The following CNTNAP2 variants were observed in gnomAD, a reference collection of about 807,000 sequenced individuals.
The protein encoded by CNTNAP2 is contactin associated protein 2, also known as contactin-associated protein-like 2.
In CNTNAP2, 98 loss-of-function variants were observed where a neutral mutation model predicts 155.2. The ratio of observed to expected loss-of-function variants is 0.63; its 90% CI spans 0.54 to 0.75. The LOEUF is 0.75. Ranked by LOEUF, CNTNAP2 falls within the 30% of genes least tolerant of loss-of-function variation. The pLI is 0.00. For synonymous variants in CNTNAP2, 651 were observed against 631.2 expected (o/e 1.03, Z -0.47); for missense variants, 1,727 against 1,688.1 (o/e 1.02, Z -0.40).
intron 3 of CNTNAP2, among the ~76,000 whole-genome samples, chr7:146,990,104 G>T (rs1438786810): frequency 6.6e-6 from 1 of 152,114 alleles, no homozygotes; most frequent in African/African-American, 2.4e-5. Flanking sequence ...TTGAGGATTT[G>T]CAAGAGGACA....
intron 16 of CNTNAP2, 46 bp downstream of exon 16, chr7:148,118,334 C>A: frequency 1.2e-6 from 2 of 1,606,448 alleles, no homozygotes; most frequent in South Asian, 2.2e-5. Flanking sequence ...ACTTTCGTCA[C>A]CTCAGGGTGG....
chr7:147,453,021 A>AT (rs1243618887), intron 10 of CNTNAP2, among the ~76,000 whole-genome samples: 1 of 152,018 alleles, frequency 6.6e-6, no homozygotes, highest in Non-Finnish European at 1.5e-5. Context: ...GAAAAAAGAG[A>AT]AAGGGAAAAA....
At chr7:146,588,600 C>T (rs1052988509) in intron 1 of CNTNAP2, among the ~76,000 whole-genome samples, 2 of 151,964 alleles carry the variant, frequency 1.3e-5, no homozygotes, top group Non-Finnish European at 2.9e-5. Context: ...TCGACCTCCC[C>T]AAGCTCAGGT....
At chr7:148,322,897 A>G (rs1797820122) in intron 21 of CNTNAP2, among the ~76,000 whole-genome samples, 1 of 147,690 alleles carries the variant, frequency 6.8e-6, no homozygotes. Context: ...AAATCTATCC[A>G]TCCTTCAAAG....
chr7:147,804,097 A>G (rs573703318), intron 13 of CNTNAP2, among the ~76,000 whole-genome samples: 1 of 152,368 alleles, frequency 6.6e-6, no homozygotes, highest in African/African-American at 2.4e-5. Flanking sequence ...TAGATGAATT[A>G]TGATCTAGTC....
chr7:147,083,986 GTA>G (rs1563070724), intron 4 of CNTNAP2, among the ~76,000 whole-genome samples: 1 of 128,206 alleles, frequency 7.8e-6, no homozygotes, highest in African/African-American at 2.8e-5. Context: ...ACACATATAT[GTA>G]TATATAATAC....
chr7:148,374,244 T>A (rs957358940), intron 21 of CNTNAP2, among the ~76,000 whole-genome samples: 1 of 152,028 alleles, frequency 6.6e-6, no homozygotes, highest in South Asian at 2.1e-4. Flanking sequence ...CCTTCTGGGA[T>A]AGGAATTATA....
At chr7:146,156,716 C>T (rs1798131789) in intron 1 of CNTNAP2, among the ~76,000 whole-genome samples, 1 of 152,164 alleles carries the variant, frequency 6.6e-6, no homozygotes, top group Non-Finnish European at 1.5e-5. Flanking sequence ...GACTCTCCTG[C>T]CTCAGCCTCC....
chr7:148,384,943 A>ATATT (rs1411105550), intron 22 of CNTNAP2, among the ~76,000 whole-genome samples: 1 of 152,170 alleles, frequency 6.6e-6, no homozygotes, highest in African/African-American at 2.4e-5. Flanking sequence ...TAATAATCTA[A>ATATT]TATTATTATA....
At chr7:146,944,847 T>C (rs1015707911) in intron 3 of CNTNAP2, among the ~76,000 whole-genome samples, 3 of 151,338 alleles carry the variant, frequency 2.0e-5, no homozygotes, top group Non-Finnish European at 2.9e-5. Flanking sequence ...CACTGCACTC[T>C]GGCCTGGGCG....
intron 1 of CNTNAP2, among the ~76,000 whole-genome samples, chr7:146,737,217 A>G (rs1801635954): frequency 6.6e-6 from 1 of 152,156 alleles, no homozygotes; most frequent in African/African-American, 2.4e-5. Flanking sequence ...ATATATGTAC[A>G]TTGTGAAATG....
chr7:146,591,287 C>T (rs1320753996), intron 1 of CNTNAP2, among the ~76,000 whole-genome samples: 7 of 152,118 alleles, frequency 4.6e-5, no homozygotes, highest in Non-Finnish European at 8.8e-5. Flanking sequence ...CCAAGCATTT[C>T]GGATGAGGGA....
rs187201186 is a variant in CNTNAP2, at chr7:147,047,815, C to T, written c.550+3761C>T. On this transcript the variant is annotated intron_variant, in intron 4 of 23. Coordinates refer to ENST00000361727, the MANE Select transcript of CNTNAP2 (RefSeq NM_014141.6). ...AAAATAACTGAAGCAAATCAGGAAG[C>T]GAGACTTTTCCACTGTATAAGTCCC... Among the ~76,000 whole-genome samples, 14 of 152,200 alleles carry T rather than the reference C, an allele frequency of 9.2e-5. No individual in the cohort carries two copies. In the East Asian group the frequency reaches 2.1e-3, roughly 23 times the overall value.
chr7:146,560,344 G>T (rs551843730), intron 1 of CNTNAP2, among the ~76,000 whole-genome samples: 35 of 151,370 alleles, frequency 2.3e-4, no homozygotes, highest in Middle Eastern at 3.5e-3. Flanking sequence ...TTATTATGAT[G>T]GTGTATATAC....
chr7:146,352,750 G>GTTTTTTTTTTTTT lies in CNTNAP2; in HGVS notation c.97+235786_97+235798dup. 7.9e-4 allele frequency among the ~76,000 whole-genome samples: 51 copies of GTTTTTTTTTTTTT among 64,312 alleles called. 11 individuals carry two copies. The highest frequency in any genetic ancestry group is 2.2e-3 in the African/African-American group (35 of 15,570). The allele number at this position is 64,312 out of a possible 152,430, so 42.2% of individuals were successfully genotyped here. ...TTATAATTTCAATTAGCATAATTCT[G>GTTTTTTTTTTTTT]TTTTTTTTTTTTTTTTTTTTTCGAG... On this transcript the variant is annotated intron_variant, in intron 1 of 23. Transcript: ENST00000361727.
intron 13 of CNTNAP2, among the ~76,000 whole-genome samples, chr7:147,811,862 G>A (rs1311172163): frequency 6.6e-6 from 1 of 152,084 alleles, no homozygotes; most frequent in Non-Finnish European, 1.5e-5. Context: ...TATTCTCCAT[G>A]AGCAAATAAG....
At chr7:147,147,515 G>A (rs1168404155) in intron 8 of CNTNAP2, among the ~76,000 whole-genome samples, 1 of 152,102 alleles carries the variant, frequency 6.6e-6, no homozygotes, top group African/African-American at 2.4e-5. Context: ...GCTCTAAGTG[G>A]GAGAGAGCTG....
At chr7:146,213,939 A>C (rs1799075850) in intron 1 of CNTNAP2, among the ~76,000 whole-genome samples, 1 of 152,126 alleles carries the variant, frequency 6.6e-6, no homozygotes, top group Non-Finnish European at 1.5e-5. Context: ...ATATAGATTA[A>C]ATTTCCTTTT....
At chr7:147,734,921 G>A (rs1015321247) in intron 13 of CNTNAP2, among the ~76,000 whole-genome samples, 1 of 150,780 alleles carries the variant, frequency 6.6e-6, no homozygotes, top group Non-Finnish European at 1.5e-5. Flanking sequence ...TTCTTTATTA[G>A]TCTTGCTAGC....
Sources: gnomAD v4.1 joint callset for allele counts (sites outside exome capture counted in the v4.1 genomes callset) on GRCh38, gnomAD v4.1.1 for gene constraint, MANE v1.5 for transcripts, NCBI Gene and HGNC (gene_info 2026-07-23, HGNC 2026-07-21) for gene names.